Variants in EPHA4 observed in about 807,000 individuals in gnomAD.
EPHA4 encodes EPH receptor A4.
EPHA4 carries 19 observed loss-of-function variants against 108.3 expected under a neutral mutation model. The observed-to-expected ratio is 0.18, with a 90% CI of 0.12 to 0.26. The LOEUF (loss-of-function observed/expected upper bound fraction) is 0.26. EPHA4 is among the 10% of genes least tolerant of loss of function. The probability of loss-of-function intolerance (pLI) is 1.00; values close to 1 mark genes in which losing one functional copy is unlikely to be tolerated. For missense variants in EPHA4, 917 were observed against 1,254.0 expected (o/e 0.73, Z 4.06); for synonymous variants, 449 against 455.5 (o/e 0.99, Z 0.18).
intron 3 of EPHA4, among the ~76,000 whole-genome samples, chr2:221,543,969 G>T (rs1693910044): frequency 6.6e-6 from 1 of 152,158 alleles, no homozygotes; most frequent in Non-Finnish European, 1.5e-5. Flanking sequence ...CAAAGTCAGT[G>T]TCTGATGAGG....
intron 10 of EPHA4, 25 bp from the exon 11 acceptor site, chr2:221,443,039 G>A (rs1251602768): frequency 8.7e-6 from 14 of 1,603,852 alleles, no homozygotes; most frequent in African/African-American, 2.7e-5. Flanking sequence ...AAGAATCTAC[G>A]ATGGACCAGA....
intron 5 of EPHA4, among the ~76,000 whole-genome samples, chr2:221,463,776 C>T (rs890267447): frequency 6.6e-6 from 1 of 152,058 alleles, no homozygotes; most frequent in African/African-American, 2.4e-5. Context: ...CCTTGTGACA[C>T]CCAAATGGGA....
At chr2:221,501,308 C>T (rs1692483253) in intron 3 of EPHA4, 136 bp from the exon 4 acceptor site, 2 of 701,176 alleles carry the variant, frequency 2.9e-6, no homozygotes, top group Middle Eastern at 3.8e-4. Flanking sequence ...GCTTGAAATG[C>T]AGGTCATGCA....
rs937966683 is a variant in EPHA4 at position 221,570,889 on chromosome 2, G to A, written c.91+1269C>T. ...CGGACGGACGGATGCACGGAGAGAT[G>A]GATGGATGCATGGATGGATAGATAG... On this transcript the variant is annotated intron_variant, in intron 1 of 17. Coordinates refer to ENST00000281821, the MANE Select transcript of EPHA4 (RefSeq NM_004438.5). 2.5e-4 allele frequency among the ~76,000 whole-genome samples: 38 copies of A among 151,600 alleles called. 1 individual carries two copies. The highest frequency in any genetic ancestry group is 2.7e-4 in the Non-Finnish European group (18 of 67,756).
chr2:221,426,123 T>C lies in EPHA4; in HGVS notation c.2866A>G (p.Ile956Val). 6.2e-7 allele frequency: 1 copy of C among 1,614,126 alleles called. No homozygotes were observed. The highest frequency in any genetic ancestry group is 8.5e-7 in the Non-Finnish European group (1 of 1,180,018). ...VNQEDLARIG[I>V]TAITHQNKIL... Reference sequence around the variant, plus strand: ...TTATTCTGGTGCGTGATGGCTGTGATACCAATTCTTGCCAGGTCCCTGTAC... The same window carrying C: ...TTATTCTGGTGCGTGATGGCTGTGACACCAATTCTTGCCAGGTCCCTGTAC... The change falls in exon 17 of 18, where the codon ATC (isoleucine) becomes GTC (valine). Residue 956 changes from isoleucine to valine, a missense_variant. Ile to Val is a conservative substitution (Grantham distance 29, BLOSUM62 3). Around this residue, in one of 3 missense-constraint regions of EPHA4, gnomAD observed 26 missense variants for 44.4 expected, o/e 0.59. Transcript: ENST00000281821.
intron 4 of EPHA4, among the ~76,000 whole-genome samples, chr2:221,493,484 C>T (rs967764250): frequency 6.6e-6 from 1 of 152,096 alleles, no homozygotes; most frequent in Non-Finnish European, 1.5e-5. Context: ...AAAAGAGTCC[C>T]TCCCTTCTCC....
chr2:221,470,021 A>C (rs1295953567), intron 5 of EPHA4, among the ~76,000 whole-genome samples: 2 of 152,152 alleles, frequency 1.3e-5, no homozygotes, highest in African/African-American at 4.8e-5. Flanking sequence ...TTTTTTAGCA[A>C]CTTCTATTTC....
At chr2:221,566,854 G>GAGAAGAAGAAGAAGAAGA in intron 2 of EPHA4, among the ~76,000 whole-genome samples, 1 of 53,282 alleles carries the variant, frequency 1.9e-5, no homozygotes, top group East Asian at 6.8e-4. Context: ...GAAGGAGAAG[G>GAGAAGAAGAAGAAGAAGA]AGAAGAAGAA....
At chr2:221,545,345 T>C (rs1693963124) in intron 3 of EPHA4, among the ~76,000 whole-genome samples, 1 of 152,030 alleles carries the variant, frequency 6.6e-6, no homozygotes, top group Non-Finnish European at 1.5e-5. Flanking sequence ...GGCAGGTACC[T>C]ATAGTCCCAG....
intron 3 of EPHA4, among the ~76,000 whole-genome samples, chr2:221,547,200 T>C (rs545080544): frequency 1.3e-5 from 2 of 152,388 alleles, no homozygotes; most frequent in South Asian, 4.1e-4. Context: ...GCCATTGTTT[T>C]ATTCTGTAAA....
At chr2:221,569,692 C>T (rs1357434696) in intron 1 of EPHA4, among the ~76,000 whole-genome samples, 1 of 151,672 alleles carries the variant, frequency 6.6e-6, no homozygotes, top group African/African-American at 2.4e-5. Context: ...AAAGGCCCAC[C>T]TCAAAGGAAC....
At chr2:221,517,412 G>A (rs1471323977) in intron 3 of EPHA4, among the ~76,000 whole-genome samples, 1 of 152,132 alleles carries the variant, frequency 6.6e-6, no homozygotes, top group African/African-American at 2.4e-5. Flanking sequence ...TTCTCAGTCT[G>A]GCAATATGAT....
chr2:221,514,795 T>C lies in EPHA4; in HGVS notation c.824-13623A>G, dbSNP rs527386644. Among the ~76,000 whole-genome samples the C allele has an allele frequency of 3.9e-5, 6 of 152,320 alleles. No individual in the cohort carries two copies. The East Asian group carries it at 7.7e-4, about 20-fold the overall frequency. ...TCATAATAAAAACAAGACCATGATG[T>C]TGACATGCTCCCAAAGTGTTTGGTC... On this transcript the variant is annotated intron_variant, in intron 3 of 17. Coordinates refer to ENST00000281821, the MANE Select transcript of EPHA4 (RefSeq NM_004438.5).
chr2:221,562,447 G>T (rs1441329920), intron 3 of EPHA4, among the ~76,000 whole-genome samples: 1 of 152,148 alleles, frequency 6.6e-6, no homozygotes, highest in Non-Finnish European at 1.5e-5. Context: ...AGTCAATCAA[G>T]TGGATTGCCC....
At chr2:221,451,749 T>C (rs1193607900) in intron 8 of EPHA4, among the ~76,000 whole-genome samples, 1 of 152,168 alleles carries the variant, frequency 6.6e-6, no homozygotes, top group Admixed American at 6.5e-5. Context: ...TTAACATAAA[T>C]GTGGGTGGTA....
chr2:221,493,932 G>T (rs1692230243), intron 4 of EPHA4, among the ~76,000 whole-genome samples: 1 of 152,126 alleles, frequency 6.6e-6, no homozygotes, highest in African/African-American at 2.4e-5. Flanking sequence ...CTGCAATTTT[G>T]GAATATTTTC....
At position 221,525,213 on chromosome 2, in the gene EPHA4, C is replaced by T. The variant is rs548222262; in HGVS notation, c.824-24041G>A. On this transcript the variant is annotated intron_variant, in intron 3 of 17. Transcript: ENST00000281821. The stretch of plus-strand genomic sequence containing the variant: ...AGAGCAGCTGCAAATCATCTGTCCC[C>T]GGCAATGTGAGCACAGAGAGGACAC... Among the ~76,000 whole-genome samples, 16 of 152,258 alleles carry T rather than the reference C, an allele frequency of 1.1e-4. No individual in the cohort carries two copies. The South Asian group carries it at 1.2e-3, about 12-fold the overall frequency.
intron 4 of EPHA4, among the ~76,000 whole-genome samples, chr2:221,482,964 C>T (rs1691873160): frequency 6.6e-6 from 1 of 152,174 alleles, no homozygotes; most frequent in South Asian, 2.1e-4. Context: ...GGGCTCCAAG[C>T]CCAGGCTTTC....
At chr2:221,558,436 A>AC (rs1694363379) in intron 3 of EPHA4, among the ~76,000 whole-genome samples, 1 of 150,830 alleles carries the variant, frequency 6.6e-6, no homozygotes, top group Non-Finnish European at 1.5e-5. Context: ...CCGTTCCCCC[A>AC]CCCCCCGCCA....
Sources: allele counts gnomAD v4.1 joint callset (sites outside exome capture counted in the v4.1 genomes callset), GRCh38; gene constraint gnomAD v4.1.1; regional missense constraint gnomAD v4.1.1; transcripts MANE v1.5; gene names NCBI Gene and HGNC (gene_info 2026-07-23, HGNC 2026-07-21).